The following GRIN1 variants were observed in gnomAD, a reference collection of about 807,000 sequenced individuals.
GRIN1 encodes the protein glutamate ionotropic receptor NMDA type subunit 1, also known as glutamate receptor ionotropic, NMDA 1.
In GRIN1, 38 loss-of-function variants were observed where a neutral mutation model predicts 103.0. That is an observed-to-expected ratio of 0.37 (90% CI 0.28 to 0.48). The LOEUF (loss-of-function observed/expected upper bound fraction) is 0.48, where lower values mean the gene tolerates loss of function less well. Among genes scored for constraint, GRIN1 ranks in the 20% least tolerant of loss-of-function variants. The pLI is 0.98. For synonymous variants in GRIN1, 544 were observed against 532.7 expected (o/e 1.02, Z -0.29); for missense variants, 577 against 1,288.9 (o/e 0.45, Z 8.46).
chr9:137,148,549 C>G (rs768511893), intron 3 of GRIN1, among the ~76,000 whole-genome samples: 1 of 152,250 alleles, frequency 6.6e-6, no homozygotes, highest in Non-Finnish European at 1.5e-5. Context: ...ACCCACTCGC[C>G]GGGGCCGGGC....
intron 18 of GRIN1, 144 bp from the exon 19 acceptor site, chr9:137,165,042 G>C: frequency 1.4e-6 from 1 of 737,822 alleles, no homozygotes; most frequent in East Asian, 2.5e-5. Context: ...GTCCGCTGTC[G>C]GCCCGTCTGT....
chr9:137,140,982 C>T (rs1588684478), intron 1 of GRIN1, among the ~76,000 whole-genome samples: 1 of 152,206 alleles, frequency 6.6e-6, no homozygotes, highest in Non-Finnish European at 1.5e-5. Context: ...CCAGTGGCTG[C>T]AGTCACATAT....
intron 19 of GRIN1, 177 bp downstream of exon 19, chr9:137,165,473 C>A: frequency 1.5e-6 from 1 of 648,608 alleles, no homozygotes; most frequent in South Asian, 1.7e-5. Context: ...CTCTCTGGAC[C>A]TTTCTCCCCG....
chr9:137,153,984 G>A (rs1833064532), intron 4 of GRIN1, among the ~76,000 whole-genome samples: 1 of 151,908 alleles, frequency 6.6e-6, no homozygotes, highest in Non-Finnish European at 1.5e-5. Context: ...GCTAATTTTT[G>A]TATTTTTAGT....
intron 18 of GRIN1, 109 bp from the exon 19 acceptor site, chr9:137,165,077 C>T (rs536689382): frequency 2.1e-5 from 17 of 824,334 alleles, no homozygotes; most frequent in Admixed American, 1.4e-4. Flanking sequence ...CAGGCAGGAG[C>T]GAGGGCCCAA....
At position 137,139,881 on chromosome 9, in the gene GRIN1, G is replaced by C. The variant is rs935960021; in HGVS notation, c.258+137G>C. 1.5e-5 allele frequency: 11 copies of C among 732,662 alleles called. No individual in the cohort carries two copies. The highest frequency in any genetic ancestry group is 2.4e-5 in the Non-Finnish European group (10 of 424,132). 45.4% of individuals were successfully genotyped at this position (732,662 alleles called of 1,614,324 possible). A position where few individuals can be genotyped will look rare whatever the true frequency, so the allele number is the denominator to read the frequency against. On this transcript the variant is annotated intron_variant, in intron 1 of 19. Coordinates refer to ENST00000371561, the MANE Select transcript of GRIN1 (RefSeq NM_007327.4). This position sits in a 1 kb window ranked among gnomAD's most constrained non-coding sequence, Gnocchi z 7.7. Reference sequence around the variant, plus strand: ...CCCAGAGTCAGCTGGCTGCTTCCGGGAGGCCTCGTCTCACTAGGAACCAAA... The same window carrying C: ...CCCAGAGTCAGCTGGCTGCTTCCGGCAGGCCTCGTCTCACTAGGAACCAAA...
At chr9:137,154,579 G>A (rs1833111125) in intron 4 of GRIN1, among the ~76,000 whole-genome samples, 1 of 150,586 alleles carries the variant, frequency 6.6e-6, no homozygotes, top group Admixed American at 6.6e-5. Context: ...ACGGCCTCCC[G>A]AGTAGCTGGG....
At chr9:137,162,794 G>A in intron 14 of GRIN1, 52 bp from the exon 15 acceptor site, 4 of 1,605,166 alleles carry the variant, frequency 2.5e-6, no homozygotes, top group Non-Finnish European at 3.4e-6. Flanking sequence ...GGTCGGCCTC[G>A]GTTAGGGGCC....
Position 137,145,709 on chromosome 9 carries a change from G to A in GRIN1, c.394-17G>A. The stretch of plus-strand genomic sequence containing the variant: ...CCGCGGGTCCACCTCAGCCCGCCGT[G>A]CCCCCGCCTCCCGCAGAGCATCCAC... On this transcript the variant is annotated splice_polypyrimidine_tract_variant and intron_variant, in intron 2 of 19. Coordinates refer to ENST00000371561, the MANE Select transcript of GRIN1 (RefSeq NM_007327.4). 3 of 1,609,676 alleles carry A rather than the reference G, an allele frequency of 1.9e-6. 1 individual carries two copies. Among genetic ancestry groups the A allele is most frequent in the Non-Finnish European group, 2.5e-6 (3 of 1,177,628 alleles).
intron 8 of GRIN1, among the ~76,000 whole-genome samples, chr9:137,159,863 C>T (rs532301338): frequency 2.0e-5 from 3 of 152,296 alleles, no homozygotes; most frequent in East Asian, 3.9e-4. Flanking sequence ...TAGGACATGC[C>T]GGGAGGGTGC....
chr9:137,155,412 C>G (rs570134924), intron 4 of GRIN1, among the ~76,000 whole-genome samples: 3 of 152,216 alleles, frequency 2.0e-5, no homozygotes, highest in Non-Finnish European at 2.9e-5. Flanking sequence ...TCACTGACAT[C>G]CAATAGCATC....
intron 19 of GRIN1, 101 bp downstream of exon 19, chr9:137,165,397 G>T: frequency 1.3e-6 from 1 of 782,244 alleles, no homozygotes. Flanking sequence ...GGCTCCTGTG[G>T]CCCACTCTGC....
chr9:137,164,034 G>A (rs1205079791), intron 18 of GRIN1, 130 bp downstream of exon 18: 3 of 1,142,824 alleles, frequency 2.6e-6, no homozygotes, highest in East Asian at 4.9e-5. Context: ...CCATGGCCAG[G>A]GGCAGTGGTG....
intron 4 of GRIN1, among the ~76,000 whole-genome samples, chr9:137,149,514 A>T (rs1386634550): frequency 6.6e-6 from 1 of 152,250 alleles, no homozygotes; most frequent in African/African-American, 2.4e-5. Context: ...AAAGGCCCAC[A>T]GCAGGGAGAG....
chr9:137,156,671 A>G lies in GRIN1; in HGVS notation c.674A>G (p.Glu225Gly), dbSNP rs1190331491. ...CGTCATCCCCGTCTGCCCCACAGCG[A>G]GGACGATGCTGCCACTGTATACCGC... Reference protein sequence around the residue: ...EARVIILSASEDDAATVYRAA... With the variant: ...EARVIILSASGDDAATVYRAA... Residue 225 changes from glutamate to glycine, a missense_variant and splice_region_variant, in exon 5 of 20, where the codon GAG (glutamate) becomes GGG (glycine). Glu to Gly is a moderately conservative substitution (Grantham distance 98). Transcript: ENST00000371561. 1 of 1,600,680 alleles carries G rather than the reference A, an allele frequency of 6.2e-7. No homozygotes were observed. Among genetic ancestry groups the G allele is most frequent in the Non-Finnish European group, 8.5e-7 (1 of 1,175,052 alleles).
At chr9:137,154,786 AG>A (rs1451053496) in intron 4 of GRIN1, among the ~76,000 whole-genome samples, 1 of 152,098 alleles carries the variant, frequency 6.6e-6, no homozygotes, top group African/African-American at 2.4e-5. Flanking sequence ...CTGGACTGTC[AG>A]GGCTGGAAAG....
At chr9:137,165,381 A>G in intron 19 of GRIN1, 85 bp downstream of exon 19, 3 of 877,422 alleles carry the variant, frequency 3.4e-6, no homozygotes, top group Non-Finnish European at 3.8e-6. Context: ...CCCGCCCCGG[A>G]CCCTGGGCTC....
At chr9:137,167,103 T>G (rs1833922006) in intron 19 of GRIN1, among the ~76,000 whole-genome samples, 1 of 152,048 alleles carries the variant, frequency 6.6e-6, no homozygotes, top group African/African-American at 2.4e-5. Context: ...CTGGGGCCAG[T>G]TCTGGCATCA....
rs1173597071 is a variant in GRIN1, at chr9:137,162,685, C to G, written c.1959C>G (p.Ala653=). 1 of 1,610,344 alleles carries G rather than the reference C, an allele frequency of 6.2e-7. No homozygotes were observed. The highest frequency in any genetic ancestry group is 1.1e-5 in the South Asian group (1 of 90,634). The part of the protein sequence containing the change: ...IVASYTANLA[A]FLVLDRPEER... ...CCTCCTACACCGCCAACCTGGCGGC[C>G]TTCCTGGTGCTGGACCGGCCGGAGG... Residue 653 remains alanine (A), a synonymous_variant, in exon 14 of 20, where the codon GCC becomes GCG. Transcript: ENST00000371561.
Sources: gnomAD v4.1 joint callset for allele counts (sites outside exome capture counted in the v4.1 genomes callset) on GRCh38, gnomAD v4.1.1 for gene constraint, Gnocchi (gnomAD v3.1) non-coding constraint, MANE v1.5 for transcripts, NCBI Gene and HGNC (gene_info 2026-07-23, HGNC 2026-07-21) for gene names.